The following H4C15 variants were observed in gnomAD, a reference collection of about 807,000 sequenced individuals.
H4C15 encodes the protein H4 clustered histone 15, also known as histone H4.
chr1:149,848,156 G>GT, the H4C15 span: 2 of 152,002 alleles, frequency 1.3e-5, no homozygotes, highest in African/African-American at 4.8e-5. Flanking sequence ...TCCTGTGATG[G>GT]TAATATTAGT....
chr1:149,855,776 GAGAGAGAGAGAGAGAGAGGGAGAT>G (rs2092186405), downstream of H4C15, among the ~76,000 whole-genome samples: 1 of 22,820 alleles, frequency 4.4e-5, no homozygotes, highest in Non-Finnish European at 8.5e-5. Context: ...GTGAGAGAGA[GAGAGAGAGAGAGAGAGAGGGAGAT>G]AGAGAGAGAA....
downstream of H4C15, chr1:149,850,320 T>C (rs782544227): frequency 1.6e-6 from 2 of 1,280,274 alleles, no homozygotes; most frequent in Non-Finnish European, 2.2e-6. Flanking sequence ...AAAGAGCCTT[T>C]GGAGACAAAG....
At chr1:149,850,747 C>G, downstream of H4C15, 1 of 241,872 alleles carries the variant, frequency 4.1e-6, no homozygotes, top group South Asian at 2.4e-5. Context: ...TCTTGGGAGC[C>G]GGCGCGAACT....
chr1:149,849,864 C>T (rs141949502), downstream of H4C15, among the ~76,000 whole-genome samples: 438 of 152,256 alleles, frequency 2.9e-3, 1 homozygote, highest in African/African-American at 9.8e-3. Flanking sequence ...TTCTCGATAC[C>T]ATATATAAAA....
chr1:149,845,531 G>GT, the H4C15 span: 1 of 152,292 alleles, frequency 6.6e-6, no homozygotes, highest in African/African-American at 2.4e-5. Flanking sequence ...ACAGAACATG[G>GT]TAAGTACAAA....
chr1:149,845,926 C>A, the H4C15 span: 1 of 152,054 alleles, frequency 6.6e-6, no homozygotes, highest in Non-Finnish European at 1.5e-5. Flanking sequence ...AGGAAGAAAA[C>A]CAAGAGTACT....
downstream of H4C15, chr1:149,849,153 A>G (rs2092157933): frequency 6.6e-6 from 1 of 152,236 alleles, no homozygotes; most frequent in South Asian, 2.1e-4. Context: ...TTCCTCAGCC[A>G]CACCTATTAA....
downstream of H4C15, chr1:149,850,829 G>A (rs1320674486): frequency 6.1e-6 from 1 of 163,060 alleles, no homozygotes; most frequent in East Asian, 1.6e-4. Flanking sequence ...CGGTAGGCTC[G>A]GGGTCTACCG....
chr1:149,848,613 A>C, the H4C15 span: 1 of 152,248 alleles, frequency 6.6e-6, no homozygotes, highest in Non-Finnish European at 1.5e-5. Flanking sequence ...GTTAAATGCC[A>C]ATGAGTTTGA....
At chr1:149,847,398 C>G in the H4C15 span, 2 of 152,206 alleles carry the variant, frequency 1.3e-5, no homozygotes, top group East Asian at 3.8e-4. Flanking sequence ...TGAAGTCTAA[C>G]CCCTAGTTGC....
the H4C15 span, chr1:149,848,974 C>T: frequency 6.6e-6 from 1 of 152,198 alleles, no homozygotes; most frequent in East Asian, 1.9e-4. Flanking sequence ...CTGTCAACTG[C>T]ACATATCCAC....
chr1:149,850,002 T>C (rs1013085481), downstream of H4C15, among the ~76,000 whole-genome samples: 6 of 152,188 alleles, frequency 3.9e-5, no homozygotes, highest in Non-Finnish European at 5.9e-5. Context: ...CATAAACTTA[T>C]CAAAATTAAC....
At chr1:149,847,998 A>C in the H4C15 span, 5 of 152,188 alleles carry the variant, frequency 3.3e-5, no homozygotes, top group Admixed American at 6.5e-5. Context: ...AAAACCATGA[A>C]AGAATAACTT....
the H4C15 span, chr1:149,848,091 T>C: frequency 6.6e-6 from 1 of 152,226 alleles, no homozygotes; most frequent in East Asian, 1.9e-4. Flanking sequence ...TTGATTTAGT[T>C]TATTTAAAAT....
downstream of H4C15, chr1:149,850,478 C>T (rs1295800400): frequency 3.3e-6 from 3 of 897,066 alleles, no homozygotes; most frequent in Admixed American, 6.3e-5. Context: ...GCAGCAGGCG[C>T]ACGGCCGTCT....
At chr1:149,855,767 T>TGTGTGTGA (rs1224184289), downstream of H4C15, among the ~76,000 whole-genome samples, 2 of 20,484 alleles carry the variant, frequency 9.8e-5, no homozygotes, top group African/African-American at 3.7e-4. Flanking sequence ...TGTGTGTGTG[T>TGTGTGTGA]GAGAGAGAGA....
the H4C15 span, chr1:149,844,757 TTTTA>T: frequency 6.6e-6 from 1 of 152,020 alleles, no homozygotes; most frequent in Non-Finnish European, 1.5e-5. Context: ...AAAACAGATT[TTTTA>T]GTTATTAGGT....
downstream of H4C15, among the ~76,000 whole-genome samples, chr1:149,855,734 T>TTGTGTGTGTG (rs1177085725): frequency 8.3e-5 from 2 of 24,072 alleles, no homozygotes; most frequent in African/African-American, 5.9e-4. Context: ...TCTACACATT[T>TTGTGTGTGTG]TGTGTGTGTG....
chr1:149,845,959 C>G, the H4C15 span: 4 of 152,062 alleles, frequency 2.6e-5, no homozygotes, highest in Non-Finnish European at 4.4e-5. Flanking sequence ...ATGTTGAAGA[C>G]TCCTGGTAAA....
Sources: gnomAD v4.1 joint callset for allele counts (sites outside exome capture counted in the v4.1 genomes callset) on GRCh38, gnomAD v4.1.1 for gene constraint, MANE v1.5 for transcripts, NCBI Gene and HGNC (gene_info 2026-07-23, HGNC 2026-07-21) for gene names.